FBXL7: variants seen among roughly 807,000 people sequenced by gnomAD.
FBXL7 encodes F-box/LRR-repeat protein 7.
In FBXL7, 12 loss-of-function variants were observed where a neutral mutation model predicts 38.3. That is an observed-to-expected ratio of 0.31 (90% CI 0.20 to 0.51). FBXL7 has a LOEUF of 0.51. Among genes scored for constraint, FBXL7 ranks in the 20% least tolerant of loss-of-function variants. FBXL7 has a pLI of 0.98. For synonymous variants in FBXL7, 297 were observed against 300.9 expected (o/e 0.99, Z 0.13); for missense variants, 567 against 676.4 (o/e 0.84, Z 1.79).
chr5:15,712,562 C>T (rs1166713349), intron 2 of FBXL7, among the ~76,000 whole-genome samples: 1 of 151,980 alleles, frequency 6.6e-6, no homozygotes, highest in Non-Finnish European at 1.5e-5. Flanking sequence ...GAAAGGCAAT[C>T]TGTGATACAT....
intron 1 of FBXL7, among the ~76,000 whole-genome samples, chr5:15,507,761 A>C (rs1736685547): frequency 6.6e-6 from 1 of 152,174 alleles, no homozygotes; most frequent in Non-Finnish European, 1.5e-5. Context: ...GTCTTAAGTC[A>C]GGTGGGGCAT....
chr5:15,696,156 T>C (rs575112236), intron 2 of FBXL7, among the ~76,000 whole-genome samples: 1 of 152,342 alleles, frequency 6.6e-6, no homozygotes, highest in Admixed American at 6.5e-5. Flanking sequence ...AAACAGTGCT[T>C]TACTGGAATA....
In FBXL7 at chr5:15,928,509, G is replaced by T; in HGVS notation, c.739+8G>T. 6.2e-7 allele frequency: 1 copy of T among 1,603,570 alleles called. No homozygotes were observed. The highest frequency in any genetic ancestry group is 8.5e-7 in the Non-Finnish European group (1 of 1,173,276). ...AGCACCTGGATGTGTCAGGTAAATG[G>T]ACACTGACCTACCAGCTATGGGCCC... On this transcript the variant is annotated splice_region_variant and intron_variant, in intron 3 of 3. Coordinates refer to ENST00000504595, the MANE Select transcript of FBXL7 (RefSeq NM_012304.5). This position sits in a 1 kb window ranked among gnomAD's most constrained non-coding sequence, Gnocchi z 4.0.
intron 2 of FBXL7, among the ~76,000 whole-genome samples, chr5:15,680,566 A>T (rs577942390): frequency 6.6e-6 from 1 of 152,300 alleles, no homozygotes; most frequent in South Asian, 2.1e-4. Flanking sequence ...ATTAATTAAC[A>T]TACCCATAGT....
chr5:15,628,575 C>A (rs748749645), intron 2 of FBXL7, among the ~76,000 whole-genome samples: 1 of 152,182 alleles, frequency 6.6e-6, no homozygotes, highest in Admixed American at 6.6e-5. Context: ...CTTTCACAGA[C>A]ACAACTAAAG....
intron 2 of FBXL7, among the ~76,000 whole-genome samples, chr5:15,862,598 C>T (rs536358288): frequency 2.6e-5 from 4 of 152,278 alleles, no homozygotes; most frequent in South Asian, 4.2e-4. Context: ...TCACAGCTAG[C>T]GAGCAGGGAG....
At chr5:15,536,226 G>A (rs1737578417) in intron 1 of FBXL7, among the ~76,000 whole-genome samples, 1 of 152,256 alleles carries the variant, frequency 6.6e-6, no homozygotes, top group South Asian at 2.1e-4. Flanking sequence ...CTCTGCTGGG[G>A]CAATGCGGAA....
At chr5:15,607,986 TG>T (rs1381958146) in intron 1 of FBXL7, among the ~76,000 whole-genome samples, 1 of 152,188 alleles carries the variant, frequency 6.6e-6, no homozygotes, top group East Asian at 1.9e-4. Context: ...TGGCCCCTAA[TG>T]GGGGTTTAGC....
intron 2 of FBXL7, among the ~76,000 whole-genome samples, chr5:15,764,553 T>C (rs1467856978): frequency 1.3e-5 from 2 of 152,150 alleles, no homozygotes; most frequent in African/African-American, 2.4e-5. Context: ...GGATAGGAGT[T>C]AGTACCTCAG....
chr5:15,775,811 T>C (rs1736843501), intron 2 of FBXL7, among the ~76,000 whole-genome samples: 1 of 152,172 alleles, frequency 6.6e-6, no homozygotes, highest in African/African-American at 2.4e-5. Context: ...GGCAACGTCA[T>C]TGCAGTTGTC....
chr5:15,739,162 C>A (rs915597217), intron 2 of FBXL7, among the ~76,000 whole-genome samples: 2 of 152,200 alleles, frequency 1.3e-5, no homozygotes. Context: ...ACTTCAGCTT[C>A]CTCTGAGGGT....
At chr5:15,821,833 A>G (rs1437897080) in intron 2 of FBXL7, among the ~76,000 whole-genome samples, 1 of 152,182 alleles carries the variant, frequency 6.6e-6, no homozygotes, top group Non-Finnish European at 1.5e-5. Flanking sequence ...TATGAGCTGA[A>G]CATCTCCAAG....
chr5:15,684,764 G>T (rs1339482855), intron 2 of FBXL7, among the ~76,000 whole-genome samples: 2 of 152,146 alleles, frequency 1.3e-5, no homozygotes, highest in African/African-American at 2.4e-5. Context: ...TGGAGAAGGG[G>T]CTACAAGTCA....
At chr5:15,713,797 A>C (rs1344260817) in intron 2 of FBXL7, among the ~76,000 whole-genome samples, 1 of 152,208 alleles carries the variant, frequency 6.6e-6, no homozygotes, top group Non-Finnish European at 1.5e-5. Context: ...TAAGATTCAG[A>C]GGGTAGGGTT....
chr5:15,609,978 CA>C (rs2126508285), intron 1 of FBXL7, among the ~76,000 whole-genome samples: 2 of 152,272 alleles, frequency 1.3e-5, no homozygotes, highest in South Asian at 4.1e-4. Flanking sequence ...GTAGGCCTCA[CA>C]ACATGGTGGA....
chr5:15,515,972 A>G (rs1158052918), intron 1 of FBXL7, among the ~76,000 whole-genome samples: 2 of 152,236 alleles, frequency 1.3e-5, no homozygotes, highest in Non-Finnish European at 2.9e-5. Flanking sequence ...TATCACTACT[A>G]CGGGGATCCA....
In FBXL7 at chr5:15,756,816, A is replaced by AAGATCCAAGTT. The variant is rs1736309985; in HGVS notation, c.127+140744_127+140745insAGATCCAAGTT. Among the ~76,000 whole-genome samples, 4 of 152,316 alleles carry AAGATCCAAGTT rather than the reference A, an allele frequency of 2.6e-5. No homozygotes were observed. In the South Asian group the frequency reaches 8.3e-4, roughly 32 times the overall value. ...TCAAAAGTTTTCATGGATCCAAGCTATTCTTAAGCATTGTTTAATACTAGA... is the reference window on the plus strand; with the variant it reads ...TCAAAAGTTTTCATGGATCCAAGCTAAGATCCAAGTTTTCTTAAGCATTGTTTAATACTAGA... On this transcript the variant is annotated intron_variant, in intron 2 of 3. Transcript: ENST00000504595.
chr5:15,752,693 A>G (rs1472133672), intron 2 of FBXL7, among the ~76,000 whole-genome samples: 1 of 152,202 alleles, frequency 6.6e-6, no homozygotes, highest in Admixed American at 6.5e-5. Context: ...TTGAATCAGC[A>G]GTGCTTTGTT....
At chr5:15,727,291 A>G (rs1161006960) in intron 2 of FBXL7, among the ~76,000 whole-genome samples, 1 of 152,160 alleles carries the variant, frequency 6.6e-6, no homozygotes, top group East Asian at 1.9e-4. Context: ...ATTTATATTC[A>G]TTGAGATCTG....
Sources: gnomAD v4.1 joint callset for allele counts (sites outside exome capture counted in the v4.1 genomes callset) on GRCh38, gnomAD v4.1.1 for gene constraint, Gnocchi (gnomAD v3.1) non-coding constraint, MANE v1.5 for transcripts, NCBI Gene and HGNC (gene_info 2026-07-23, HGNC 2026-07-21) for gene names.